RORB: variants seen among roughly 807,000 people sequenced by gnomAD.
The protein encoded by RORB is nuclear receptor ROR-beta.
A neutral mutation model predicts 59.1 loss-of-function variants in RORB; 6 were observed. The ratio of observed to expected loss-of-function variants is 0.10; its 90% CI spans 0.06 to 0.20. RORB has a LOEUF of 0.20. RORB is among the 10% of genes least tolerant of loss of function. RORB has a pLI of 1.00. For synonymous variants in RORB, 215 were observed against 204.5 expected (o/e 1.05, Z -0.44); for missense variants, 320 against 560.5 (o/e 0.57, Z 4.33).
At chr9:74,540,691 C>T (rs1382486687) in intron 1 of RORB, among the ~76,000 whole-genome samples, 1 of 151,764 alleles carries the variant, frequency 6.6e-6, no homozygotes, top group African/African-American at 2.4e-5. Flanking sequence ...AATAGATGTA[C>T]TATATTTAAT....
At chr9:74,628,574 T>A (rs573986911) in intron 1 of RORB, among the ~76,000 whole-genome samples, 53 of 152,332 alleles carry the variant, frequency 3.5e-4, no homozygotes, top group African/African-American at 1.2e-3. Flanking sequence ...TTTACTTTTT[T>A]AAAAATTCAA....
At chr9:74,575,318 A>G (rs7860620) in intron 1 of RORB, among the ~76,000 whole-genome samples, 4,324 of 152,168 alleles carry the variant, frequency 0.028, 203 homozygotes, top group African/African-American at 0.098. Context: ...CCCAGGACAA[A>G]GGGAAGATGG....
At chr9:74,646,022 C>G (rs1283072927) in intron 4 of RORB, among the ~76,000 whole-genome samples, 1 of 151,984 alleles carries the variant, frequency 6.6e-6, no homozygotes, top group Non-Finnish European at 1.5e-5. Flanking sequence ...GGCATCTAAA[C>G]CAATCTGGTT....
chr9:74,623,709 A>G lies in RORB; in HGVS notation c.8-6573A>G, dbSNP rs542447969. ...GTGAGTCGTGGTAGTCTGCAGTTTT[A>G]CCATGATCCCCGGAGATGCCAATGC... On this transcript the variant is annotated intron_variant, in intron 1 of 9. Coordinates refer to ENST00000376896, the MANE Select transcript of RORB (RefSeq NM_006914.4). 7.2e-5 allele frequency among the ~76,000 whole-genome samples: 11 copies of G among 152,282 alleles called. No individual in the cohort carries two copies. In the South Asian group the frequency reaches 2.1e-3, roughly 29 times the overall value.
intron 1 of RORB, among the ~76,000 whole-genome samples, chr9:74,536,009 G>A (rs1826317168): frequency 6.6e-6 from 1 of 151,904 alleles, no homozygotes; most frequent in Non-Finnish European, 1.5e-5. Flanking sequence ...TTCCCAAATG[G>A]AAACAATAGA....
In RORB at chr9:74,498,055, G is replaced by C. The variant is rs552966264; in HGVS notation, c.7+72G>C. ...CAGCCAGACGGGGAGATGGGGGAGG[G>C]GAGGGCACCCAGCAGAAAGGGAAAG... On this transcript the variant is annotated intron_variant, in intron 1 of 9. Transcript: ENST00000376896. 24 of 1,553,712 alleles carry C rather than the reference G, an allele frequency of 1.5e-5. No homozygotes were observed. The South Asian group carries it at 2.4e-4, about 16-fold the overall frequency.
Position 74,588,559 on chromosome 9 carries a change from T to A in RORB, c.8-41723T>A, listed in dbSNP as rs189966673. On this transcript the variant is annotated intron_variant, in intron 1 of 9. Transcript: ENST00000376896. ...AAATGCCAATATATATGGTGTAATATTATTATAGATCATCATTCATTATGG... is the reference window on the plus strand; with the variant it reads ...AAATGCCAATATATATGGTGTAATAATATTATAGATCATCATTCATTATGG... Among the ~76,000 whole-genome samples the A allele has an allele frequency of 8.1e-3, 1,234 of 152,290 alleles. 10 individuals are homozygous for A. Among genetic ancestry groups the A allele is most frequent in the Non-Finnish European group, 0.013 (899 of 68,020 alleles).
intron 6 of RORB, among the ~76,000 whole-genome samples, chr9:74,664,644 C>T (rs1824239126): frequency 6.6e-6 from 1 of 152,170 alleles, no homozygotes; most frequent in African/African-American, 2.4e-5. Flanking sequence ...ATGTATAAGC[C>T]TCTATGCTAG....
chr9:74,665,450 A>G (rs369090749), intron 6 of RORB, 38 bp from the exon 7 acceptor site: 3 of 1,311,084 alleles, frequency 2.3e-6, no homozygotes, highest in Non-Finnish European at 3.2e-6. Flanking sequence ...ATATATGTGT[A>G]TTTTTATTTT....
At chr9:74,663,854 C>G (rs1321502178) in intron 6 of RORB, among the ~76,000 whole-genome samples, 1 of 152,046 alleles carries the variant, frequency 6.6e-6, no homozygotes, top group Non-Finnish European at 1.5e-5. Flanking sequence ...CAAGAGAACA[C>G]TAGGGTGTTC....
chr9:74,542,960 T>A (rs553131304), intron 1 of RORB, among the ~76,000 whole-genome samples: 1 of 152,310 alleles, frequency 6.6e-6, no homozygotes, highest in East Asian at 1.9e-4. Context: ...AATAATGGAA[T>A]CTACCTTAAA....
chr9:74,636,512 A>G (rs1312917502), intron 3 of RORB, among the ~76,000 whole-genome samples: 1 of 152,200 alleles, frequency 6.6e-6, no homozygotes, highest in East Asian at 1.9e-4. Flanking sequence ...CATAAAAGAA[A>G]TGTGTCGGGA....
chr9:74,663,328 CATCTCAAGT>C (rs1824219693), intron 6 of RORB, among the ~76,000 whole-genome samples: 1 of 152,132 alleles, frequency 6.6e-6, no homozygotes, highest in Admixed American at 6.6e-5. Context: ...TTCCCTATGA[CATCTCAAGT>C]AATCTTGTGA....
intron 1 of RORB, among the ~76,000 whole-genome samples, chr9:74,578,262 G>A (rs1193698301): frequency 6.6e-6 from 1 of 152,104 alleles, no homozygotes; most frequent in Admixed American, 6.6e-5. Flanking sequence ...GATAAAAACA[G>A]GGGTCTAGAA....
intron 1 of RORB, among the ~76,000 whole-genome samples, chr9:74,522,623 C>A (rs772121797): frequency 3.3e-5 from 5 of 151,750 alleles, no homozygotes; most frequent in Non-Finnish European, 7.4e-5. Context: ...AAATTATTTA[C>A]AATGTAGTGC....
intron 3 of RORB, among the ~76,000 whole-genome samples, chr9:74,639,717 A>C (rs938016490): frequency 1.1e-4 from 17 of 152,238 alleles, no homozygotes; most frequent in Non-Finnish European, 2.2e-4. Flanking sequence ...CTCTACAACA[A>C]AGAGCTATTC....
intron 1 of RORB, among the ~76,000 whole-genome samples, chr9:74,567,140 C>T (rs1466447228): frequency 6.6e-6 from 1 of 151,932 alleles, no homozygotes; most frequent in Non-Finnish European, 1.5e-5. Context: ...GGATTCCCGT[C>T]TCAACCTCCC....
chr9:74,501,187 T>C (rs1462079266), intron 1 of RORB, among the ~76,000 whole-genome samples: 7 of 152,186 alleles, frequency 4.6e-5, no homozygotes, highest in Admixed American at 3.3e-4. Flanking sequence ...CAATAGGTGA[T>C]TGTCGCTGGG....
intron 6 of RORB, among the ~76,000 whole-genome samples, chr9:74,664,253 C>T (rs1351744447): frequency 6.6e-6 from 1 of 152,156 alleles, no homozygotes; most frequent in East Asian, 1.9e-4. Flanking sequence ...GACATGGGCA[C>T]CATGAGTCCC....
Sources: allele counts gnomAD v4.1 joint callset (sites outside exome capture counted in the v4.1 genomes callset), GRCh38; gene constraint gnomAD v4.1.1; transcripts MANE v1.5; gene names NCBI Gene and HGNC (gene_info 2026-07-23, HGNC 2026-07-21).